The following STPG2 variants were observed in gnomAD, a reference collection of about 807,000 sequenced individuals.
STPG2 encodes the protein sperm-tail PG-rich repeat-containing protein 2.
Under a neutral mutation model 54.2 loss-of-function variants are expected in STPG2, and 56 were observed. The ratio of observed to expected loss-of-function variants is 1.03; its 90% CI spans 0.83 to 1.29. The LOEUF (loss-of-function observed/expected upper bound fraction) is 1.29, where lower values mean the gene tolerates loss of function less well. STPG2 is among the 50% of genes most tolerant of loss of function. The probability of loss-of-function intolerance (pLI) is 0.00; values close to 1 mark genes in which losing one functional copy is unlikely to be tolerated. For missense variants in STPG2, 596 were observed against 544.9 expected (o/e 1.09, Z -0.93); for synonymous variants, 200 against 181.8 (o/e 1.10, Z -0.81).
chr4:97,966,169 A>T (rs1042319026), intron 7 of STPG2, among the ~76,000 whole-genome samples: 1 of 152,216 alleles, frequency 6.6e-6, no homozygotes, highest in Non-Finnish European at 1.5e-5. Context: ...TAGAATAAAC[A>T]GTGTAGAGAA....
intron 4 of STPG2, among the ~76,000 whole-genome samples, chr4:97,460,372 T>C (rs1236698594): frequency 6.6e-6 from 1 of 152,160 alleles, no homozygotes; most frequent in South Asian, 2.1e-4. Flanking sequence ...TTTTTGTCTA[T>C]TGGTTCTATA....
intron 5 of STPG2, among the ~76,000 whole-genome samples, chr4:98,033,589 C>T (rs1274765390): frequency 6.6e-6 from 1 of 152,164 alleles, no homozygotes; most frequent in African/African-American, 2.4e-5. Context: ...GGGAATCCTT[C>T]CTAACTCATT....
At chr4:97,687,370 C>T (rs920340188) in intron 10 of STPG2, among the ~76,000 whole-genome samples, 1 of 151,276 alleles carries the variant, frequency 6.6e-6, no homozygotes, top group Admixed American at 6.6e-5. Flanking sequence ...GTCACCTAGG[C>T]TGGAGTGCAG....
At chr4:97,944,105 T>C (rs1733107938) in intron 7 of STPG2, 98 bp from the exon 8 acceptor site, 1 of 769,248 alleles carries the variant, frequency 1.3e-6, no homozygotes, top group Non-Finnish European at 2.1e-6. Context: ...ATCAGTATTA[T>C]CTGGCATTAA....
chr4:97,780,854 G>T (rs1200118172), intron 9 of STPG2, among the ~76,000 whole-genome samples: 21 of 152,072 alleles, frequency 1.4e-4, no homozygotes, highest in East Asian at 1.2e-3. Context: ...GGAAATGAAG[G>T]CAGAAATAAA....
chr4:97,948,416 A>G (rs759490093), intron 7 of STPG2, among the ~76,000 whole-genome samples: 32 of 151,818 alleles, frequency 2.1e-4, no homozygotes, highest in Non-Finnish European at 3.0e-4. Flanking sequence ...GTTCAAATAC[A>G]TGTAGTTCTA....
chr4:97,942,495 C>T (rs1420758856), intron 8 of STPG2, among the ~76,000 whole-genome samples: 1 of 151,542 alleles, frequency 6.6e-6, no homozygotes, highest in African/African-American at 2.4e-5. Context: ...TTTAAACTGT[C>T]TTTTGAATTT....
chr4:97,565,815 C>T lies in STPG2; in HGVS notation c.1321-6698G>A, dbSNP rs1471220630. 7.3e-5 allele frequency among the ~76,000 whole-genome samples: 11 copies of T among 149,818 alleles called. No homozygotes were observed. The East Asian group carries it at 1.4e-3, about 19-fold the overall frequency. ...GGAAGTTTTGTCTCAGAGGAGTACC[C>T]GGCCGTGTGAGGTGTCATTCTGCCG... On this transcript the variant is annotated intron_variant, in intron 10 of 10. Coordinates refer to ENST00000295268, the MANE Select transcript of STPG2 (RefSeq NM_174952.3).
At chr4:98,063,943 C>T (rs1345116459) in intron 5 of STPG2, among the ~76,000 whole-genome samples, 1 of 151,196 alleles carries the variant, frequency 6.6e-6, no homozygotes, top group Non-Finnish European at 1.5e-5. Context: ...TGAGACCCTG[C>T]CTCAAAAAAA....
intron 10 of STPG2, among the ~76,000 whole-genome samples, chr4:97,582,553 C>A (rs896661890): frequency 4.6e-5 from 7 of 151,938 alleles, no homozygotes; most frequent in Non-Finnish European, 1.0e-4. Flanking sequence ...TTTTTGTCAA[C>A]CATCAATAAA....
At chr4:97,983,258 T>C (rs1049855740) in intron 5 of STPG2, among the ~76,000 whole-genome samples, 3 of 152,230 alleles carry the variant, frequency 2.0e-5, no homozygotes, top group African/African-American at 7.2e-5. Flanking sequence ...ACATTTCCTT[T>C]TTTCTAGCTT....
chr4:98,002,134 A>G (rs1735431643), intron 5 of STPG2, among the ~76,000 whole-genome samples: 1 of 152,058 alleles, frequency 6.6e-6, no homozygotes, highest in African/African-American at 2.4e-5. Flanking sequence ...GTCCATGTTT[A>G]TAAGTAGTAG....
chr4:97,704,574 G>A (rs1049156877), intron 10 of STPG2, among the ~76,000 whole-genome samples: 1 of 152,208 alleles, frequency 6.6e-6, no homozygotes, highest in Non-Finnish European at 1.5e-5. Context: ...TCCATGGAGA[G>A]TCAAAGACCT....
At chr4:97,699,162 C>G (rs552299775) in intron 10 of STPG2, among the ~76,000 whole-genome samples, 2 of 152,174 alleles carry the variant, frequency 1.3e-5, no homozygotes, top group African/African-American at 4.8e-5. Flanking sequence ...CTGCTGCTGG[C>G]AAATTGGGCA....
chr4:97,922,581 G>A (rs1732149613), intron 8 of STPG2, among the ~76,000 whole-genome samples: 1 of 152,202 alleles, frequency 6.6e-6, no homozygotes, highest in Non-Finnish European at 1.5e-5. Context: ...GCACAGGTAT[G>A]CTGAATAGCC....
rs542474425 is a variant in STPG2 at position 97,566,880 on chromosome 4, T to C, written c.1321-7763A>G. On this transcript the variant is annotated intron_variant, in intron 10 of 10. Coordinates refer to ENST00000295268, the MANE Select transcript of STPG2 (RefSeq NM_174952.3). ...GGGAACATCACACTCTGGGGACTGT[T>C]GTGGGGTGGTGGGAGGGGGGAGGGA... 4.3e-4 allele frequency among the ~76,000 whole-genome samples: 42 copies of C among 96,936 alleles called. No homozygotes were observed. In the South Asian group the frequency reaches 0.015, roughly 35 times the overall value. The allele number at this position is 96,936 out of a possible 152,430, so 63.6% of individuals were successfully genotyped here.
At chr4:97,571,745 G>A (rs757185243) in intron 10 of STPG2, among the ~76,000 whole-genome samples, 40 of 152,026 alleles carry the variant, frequency 2.6e-4, no homozygotes, top group Non-Finnish European at 5.6e-4. Flanking sequence ...ACCAAGCTGC[G>A]CCCCGACCAC....
At chr4:97,441,520 A>G (rs574814462) in intron 4 of STPG2, 1 of 152,122 alleles carries the variant, frequency 6.6e-6, no homozygotes, top group Non-Finnish European at 1.5e-5. Flanking sequence ...AATAGATATT[A>G]CCTTTGGACT....
chr4:98,082,950 T>C (rs1038661854), intron 5 of STPG2, among the ~76,000 whole-genome samples: 4 of 152,162 alleles, frequency 2.6e-5, no homozygotes, highest in African/African-American at 4.8e-5. Flanking sequence ...ATTGCCATAA[T>C]CTTCTACTCT....
Sources: allele counts gnomAD v4.1 joint callset (sites outside exome capture counted in the v4.1 genomes callset), GRCh38; gene constraint gnomAD v4.1.1; transcripts MANE v1.5; gene names NCBI Gene and HGNC (gene_info 2026-07-23, HGNC 2026-07-21).